The following RPS6KC1 variants were observed in gnomAD, a reference collection of about 807,000 sequenced individuals.
The protein encoded by RPS6KC1 is ribosomal protein S6 kinase C1.
In RPS6KC1, 54 loss-of-function variants were observed where a neutral mutation model predicts 103.8. The ratio of observed to expected loss-of-function variants is 0.52; its 90% CI spans 0.42 to 0.65. The LOEUF is 0.65. Among genes scored for constraint, RPS6KC1 ranks in the 30% least tolerant of loss-of-function variants. The pLI is 0.00. For synonymous variants in RPS6KC1, 439 were observed against 438.7 expected (o/e 1.00, Z -0.01); for missense variants, 1,151 against 1,253.8 (o/e 0.92, Z 1.24).
intron 14 of RPS6KC1, among the ~76,000 whole-genome samples, chr1:213,267,016 C>G (rs1157647986): frequency 6.6e-6 from 1 of 151,856 alleles, no homozygotes; most frequent in Non-Finnish European, 1.5e-5. Context: ...CCCCTTCCTG[C>G]TTGGTCAGGT....
the RPS6KC1 span, among the ~76,000 whole-genome samples, chr1:213,591,324 A>C: frequency 6.6e-6 from 1 of 152,164 alleles, no homozygotes; most frequent in Non-Finnish European, 1.5e-5. Flanking sequence ...TTATCTTTGC[A>C]CACAAAACCC....
At chr1:213,653,667 C>G in the RPS6KC1 span, among the ~76,000 whole-genome samples, 20 of 152,166 alleles carry the variant, frequency 1.3e-4, no homozygotes, top group Admixed American at 9.8e-4. Flanking sequence ...TCTATCTCTC[C>G]CCTAGATTGT....
the RPS6KC1 span, among the ~76,000 whole-genome samples, chr1:213,763,148 T>C: frequency 6.6e-6 from 1 of 152,176 alleles, no homozygotes; most frequent in African/African-American, 2.4e-5. Flanking sequence ...TGTGGGCCAC[T>C]GAGCCTGGCC....
chr1:213,779,385 A>C, the RPS6KC1 span, among the ~76,000 whole-genome samples: 4 of 152,226 alleles, frequency 2.6e-5, no homozygotes, highest in African/African-American at 4.8e-5. Flanking sequence ...CTGCCTATCT[A>C]ACTCCTGGTG....
intron 6 of RPS6KC1, among the ~76,000 whole-genome samples, chr1:213,163,473 G>A (rs561346227): frequency 6.6e-6 from 1 of 152,292 alleles, no homozygotes; most frequent in Non-Finnish European, 1.5e-5. Context: ...AATTTCCCAC[G>A]AAACACAGAT....
At chr1:213,812,399 C>T in the RPS6KC1 span, among the ~76,000 whole-genome samples, 1 of 152,188 alleles carries the variant, frequency 6.6e-6, no homozygotes, top group Non-Finnish European at 1.5e-5. Flanking sequence ...TAACAAAAAT[C>T]TGTTTCTTTC....
At chr1:213,513,666 C>T in the RPS6KC1 span, among the ~76,000 whole-genome samples, 1 of 152,218 alleles carries the variant, frequency 6.6e-6, no homozygotes, top group Non-Finnish European at 1.5e-5. Flanking sequence ...CCAAACTTAC[C>T]ATTTGAATGC....
At chr1:213,665,703 T>C in the RPS6KC1 span, among the ~76,000 whole-genome samples, 1 of 152,182 alleles carries the variant, frequency 6.6e-6, no homozygotes, top group Admixed American at 6.5e-5. Flanking sequence ...AAGAAGCCCA[T>C]ATATATGTGA....
chr1:213,816,559 G>A, the RPS6KC1 span, among the ~76,000 whole-genome samples: 15 of 152,134 alleles, frequency 9.9e-5, no homozygotes, highest in East Asian at 1.9e-4. Flanking sequence ...CAGAGCAGCC[G>A]CTCATGGGGT....
chr1:213,728,937 G>GTTTGTTTTT, the RPS6KC1 span, among the ~76,000 whole-genome samples: 1 of 93,416 alleles, frequency 1.1e-5, no homozygotes, highest in Non-Finnish European at 1.9e-5. Flanking sequence ...GAACATGAGG[G>GTTTGTTTTT]TTTTTTTTTT....
chr1:213,525,286 G>C, the RPS6KC1 span, among the ~76,000 whole-genome samples: 2 of 152,152 alleles, frequency 1.3e-5, no homozygotes, highest in African/African-American at 2.4e-5. Context: ...AGCTGTGGGG[G>C]TGTAAGAGAA....
At chr1:213,276,074 C>T (rs919527319), downstream of RPS6KC1, among the ~76,000 whole-genome samples, 2 of 152,100 alleles carry the variant, frequency 1.3e-5, no homozygotes. Context: ...TCAAATGGTG[C>T]ATGTACTGAA....
intron 6 of RPS6KC1, among the ~76,000 whole-genome samples, chr1:213,166,805 G>C (rs1364256180): frequency 6.6e-6 from 1 of 152,106 alleles, no homozygotes; most frequent in Non-Finnish European, 1.5e-5. Context: ...ATCCAAATTC[G>C]GACTACCTCA....
At chr1:213,736,409 T>C in the RPS6KC1 span, among the ~76,000 whole-genome samples, 1 of 152,210 alleles carries the variant, frequency 6.6e-6, no homozygotes, top group Non-Finnish European at 1.5e-5. Context: ...TTTTGTGGGC[T>C]AGGGCCTGAA....
At chr1:213,191,523 G>A (rs1379385267) in intron 8 of RPS6KC1, among the ~76,000 whole-genome samples, 12 of 152,018 alleles carry the variant, frequency 7.9e-5, no homozygotes, top group Admixed American at 2.0e-4. Flanking sequence ...TTTGTCAGTT[G>A]TAATAGTTTT....
At chr1:213,656,831 A>G in the RPS6KC1 span, among the ~76,000 whole-genome samples, 108 of 152,346 alleles carry the variant, frequency 7.1e-4, no homozygotes, top group Non-Finnish European at 1.3e-3. Flanking sequence ...TGTTCTTCCT[A>G]CTATTCACAA....
At chr1:213,146,626 T>G (rs2087870960) in intron 6 of RPS6KC1, among the ~76,000 whole-genome samples, 1 of 151,742 alleles carries the variant, frequency 6.6e-6, no homozygotes, top group Non-Finnish European at 1.5e-5. Context: ...GGGGTTTCTC[T>G]GTGTCAGCCA....
At chr1:213,779,440 G>C in the RPS6KC1 span, among the ~76,000 whole-genome samples, 100 of 152,326 alleles carry the variant, frequency 6.6e-4, no homozygotes, top group Non-Finnish European at 1.2e-3. Flanking sequence ...ATCACATGTC[G>C]TATGACATTT....
chr1:213,713,091 C>A, the RPS6KC1 span, among the ~76,000 whole-genome samples: 1 of 152,028 alleles, frequency 6.6e-6, no homozygotes, highest in Non-Finnish European at 1.5e-5. Context: ...TCTTGGTCCA[C>A]CCCTCCTCTA....
Sources: allele counts gnomAD v4.1 joint callset (sites outside exome capture counted in the v4.1 genomes callset), GRCh38; gene constraint gnomAD v4.1.1; transcripts MANE v1.5; gene names NCBI Gene and HGNC (gene_info 2026-07-23, HGNC 2026-07-21).